ZSCAN25: variants seen among roughly 807,000 people sequenced by gnomAD.
ZSCAN25 encodes the protein zinc finger and SCAN domain-containing protein 25.
In ZSCAN25, 27 loss-of-function variants were observed where a neutral mutation model predicts 38.7. The observed-to-expected ratio is 0.70, with a 90% confidence interval of 0.51 to 0.96. The LOEUF (loss-of-function observed/expected upper bound fraction) is 0.96. Ranked by LOEUF, ZSCAN25 falls within the 40% of genes least tolerant of loss-of-function variation. The pLI, the probability that ZSCAN25 is intolerant of heterozygous loss-of-function variation, is 0.00. For synonymous variants in ZSCAN25, 273 were observed against 277.7 expected (o/e 0.98, Z 0.17); for missense variants, 637 against 705.9 (o/e 0.90, Z 1.11).
the ZSCAN25 span, among the ~76,000 whole-genome samples, chr7:99,654,086 T>C: frequency 6.7e-6 from 1 of 148,162 alleles, no homozygotes; most frequent in Admixed American, 6.8e-5. Context: ...GGTTTTTGAA[T>C]TTTTTTTTTT....
chr7:99,675,668 C>T, the ZSCAN25 span, among the ~76,000 whole-genome samples: 1 of 58,306 alleles, frequency 1.7e-5, no homozygotes, highest in Non-Finnish European at 3.5e-5. Context: ...CCTCCCCTCC[C>T]CTCTCCTTCC....
chr7:99,699,892 TGAG>T, the ZSCAN25 span: 3 of 963,222 alleles, frequency 3.1e-6, no homozygotes, highest in Non-Finnish European at 5.1e-6. Flanking sequence ...TTAAAACAGA[TGAG>T]GGAACAGGGG....
At chr7:99,658,658 A>G in the ZSCAN25 span, among the ~76,000 whole-genome samples, 1 of 152,174 alleles carries the variant, frequency 6.6e-6, no homozygotes, top group Admixed American at 6.5e-5. Flanking sequence ...GTTCTCCTGG[A>G]TAATATCCTG....
Position 99,630,736 on chromosome 7 carries a change from C to G in ZSCAN25, c.*716C>G. The stretch of plus-strand genomic sequence containing the variant: ...CTGTGTCAGGCTATAACATTCTATC[C>G]TCATCTGTAAAACTTCCCCGTCCAT... On this transcript the variant is annotated 3_prime_UTR_variant, in exon 8 of 8. Transcript: ENST00000394152. 3.0e-6 allele frequency: 3 copies of G among 985,432 alleles called. No homozygotes were observed. The highest frequency in any genetic ancestry group is 3.6e-6 in the Non-Finnish European group (3 of 829,950). 61.0% of individuals were successfully genotyped at this position (985,432 alleles called of 1,614,324 possible).
At chr7:99,689,124 A>G in the ZSCAN25 span, among the ~76,000 whole-genome samples, 30 of 152,354 alleles carry the variant, frequency 2.0e-4, no homozygotes, top group African/African-American at 7.0e-4. Context: ...AAGCAAGAGC[A>G]AACACATTCA....
At position 99,630,799 on chromosome 7, in the gene ZSCAN25, A is replaced by G; in HGVS notation, c.*779A>G. On this transcript the variant is annotated 3_prime_UTR_variant, in exon 8 of 8. Transcript: ENST00000394152. ...TATAACAACTGTCAACACACCAACT[A>G]TTAGGAAGTTAGTATTTTGCTATTG... is the stretch of plus-strand genomic sequence containing the variant. 6 of 985,378 alleles carry G rather than the reference A, an allele frequency of 6.1e-6. No homozygotes were observed. Among genetic ancestry groups the G allele is most frequent in the Non-Finnish European group, 6.0e-6 (5 of 829,884 alleles). 61.0% of individuals were successfully genotyped at this position (985,378 alleles called of 1,614,324 possible).
At chr7:99,691,132 TGTCCTTTGTAG>T in the ZSCAN25 span, among the ~76,000 whole-genome samples, 5 of 152,180 alleles carry the variant, frequency 3.3e-5, no homozygotes, top group African/African-American at 1.2e-4. Context: ...GAAGAGTTCA[TGTCCTTTGTAG>T]GGACATGGAT....
the ZSCAN25 span, among the ~76,000 whole-genome samples, chr7:99,693,737 T>C: frequency 6.6e-6 from 1 of 152,272 alleles, no homozygotes; most frequent in African/African-American, 2.4e-5. Flanking sequence ...GGGTATCTCC[T>C]GGTCTGCCTG....
At chr7:99,699,755 C>T in the ZSCAN25 span, among the ~76,000 whole-genome samples, 4 of 152,156 alleles carry the variant, frequency 2.6e-5, no homozygotes, top group Admixed American at 2.6e-4. Context: ...TCCTAGTCAC[C>T]AAAATTAGAA....
intron 7 of ZSCAN25, 148 bp downstream of exon 7, chr7:99,624,328 G>T: frequency 3.4e-6 from 3 of 888,720 alleles, no homozygotes; most frequent in Non-Finnish European, 5.1e-6. Context: ...TGGGGCACGA[G>T]GAGCTGCTTT....
chr7:99,631,009 GT>G lies in ZSCAN25; in HGVS notation c.*990del. ...TTTCCCAAGTATTTATTGAGGCCCT[GT>G]AACAAACATGTCAGGAACTCTTCTG... On this transcript the variant is annotated 3_prime_UTR_variant, in exon 8 of 8. Coordinates refer to ENST00000394152, the MANE Select transcript of ZSCAN25 (RefSeq NM_145115.3). 1 of 952,988 alleles carries G rather than the reference GT, an allele frequency of 1.0e-6. No homozygotes were observed. Among genetic ancestry groups the G allele is most frequent in the Non-Finnish European group, 1.2e-6 (1 of 800,558 alleles). 59.0% of individuals were successfully genotyped at this position (952,988 alleles called of 1,614,324 possible).
At chr7:99,638,575 A>G in the ZSCAN25 span, 3 of 1,564,946 alleles carry the variant, frequency 1.9e-6, no homozygotes, top group Non-Finnish European at 2.6e-6. Flanking sequence ...CTGGCCACCC[A>G]CATCCCATAT....
the ZSCAN25 span, among the ~76,000 whole-genome samples, chr7:99,713,003 A>G: frequency 2.0e-4 from 31 of 152,318 alleles, no homozygotes; most frequent in Admixed American, 1.3e-3. Context: ...TTTCACCAAA[A>G]ATTGCCAGTT....
the ZSCAN25 span, among the ~76,000 whole-genome samples, chr7:99,695,568 T>A: frequency 6.6e-6 from 1 of 152,180 alleles, no homozygotes; most frequent in African/African-American, 2.4e-5. Flanking sequence ...CTGAGGTTCC[T>A]GAGAGTTAGC....
chr7:99,700,858 G>A, the ZSCAN25 span, among the ~76,000 whole-genome samples: 1 of 152,202 alleles, frequency 6.6e-6, no homozygotes, highest in African/African-American at 2.4e-5. Context: ...ATGGTTGCTT[G>A]GGGCTCAGAT....
At chr7:99,628,717 C>T (rs566112038) in intron 7 of ZSCAN25, among the ~76,000 whole-genome samples, 9 of 152,234 alleles carry the variant, frequency 5.9e-5, no homozygotes, top group Non-Finnish European at 1.3e-4. Context: ...ACTGAGCAGG[C>T]ACCTGGAAGG....
chr7:99,731,115 C>T, the ZSCAN25 span: 1 of 1,613,722 alleles, frequency 6.2e-7, no homozygotes, highest in African/African-American at 1.3e-5. Flanking sequence ...CCTGGAATTC[C>T]AAGCTTCTTA....
At chr7:99,668,976 A>AC in the ZSCAN25 span, among the ~76,000 whole-genome samples, 1 of 152,224 alleles carries the variant, frequency 6.6e-6, no homozygotes, top group African/African-American at 2.4e-5. Context: ...TATTTAGAAG[A>AC]CATGTAAGTA....
chr7:99,641,170 A>C, the ZSCAN25 span, among the ~76,000 whole-genome samples: 3 of 152,214 alleles, frequency 2.0e-5, no homozygotes, highest in Admixed American at 6.5e-5. Flanking sequence ...TGGGTAATTT[A>C]TAAAGGAGAG....
Sources: allele counts gnomAD v4.1 joint callset (sites outside exome capture counted in the v4.1 genomes callset), GRCh38; gene constraint gnomAD v4.1.1; transcripts MANE v1.5; gene names NCBI Gene and HGNC (gene_info 2026-07-23, HGNC 2026-07-21).